Variants in SGTA observed in about 807,000 individuals in gnomAD.
SGTA encodes small glutamine-rich tetratricopeptide repeat-containing protein alpha.
In SGTA, 22 loss-of-function variants were observed where a neutral mutation model predicts 44.3. The ratio of observed to expected loss-of-function variants is 0.50; its 90% CI spans 0.36 to 0.71. The LOEUF is 0.71. Among genes scored for constraint, SGTA ranks in the 30% least tolerant of loss-of-function variants. The pLI is 0.00. For missense variants in SGTA, 341 were observed against 435.9 expected (o/e 0.78, Z 1.94); for synonymous variants, 174 against 177.6 (o/e 0.98, Z 0.16).
chr19:2,771,117 C>A (rs2003567), intron 1 of SGTA, among the ~76,000 whole-genome samples: 7,152 of 152,296 alleles, frequency 0.047, 242 homozygotes, highest in Non-Finnish European at 0.076. Flanking sequence ...TGGCGCCCTG[C>A]GATATCTGTT....
Position 2,758,815 on chromosome 19 carries a change from G to A in SGTA, c.737+442C>T, listed in dbSNP as rs544207378. ...TTACTCAGCCATGAAAAGGAGCGAG[G>A]CCCTGACCCAGGCCCCAGCACACAT... On this transcript the variant is annotated intron_variant, in intron 9 of 11. Transcript: ENST00000221566. 3.9e-5 allele frequency among the ~76,000 whole-genome samples: 6 copies of A among 152,350 alleles called. No individual in the cohort carries two copies. In the South Asian group the frequency reaches 1.0e-3, roughly 26 times the overall value.
Position 2,761,637 on chromosome 19 carries a change from G to T in SGTA, c.637-115C>A. On this transcript the variant is annotated intron_variant, in intron 7 of 11. Transcript: ENST00000221566. This position sits in a 1 kb window ranked among gnomAD's most constrained non-coding sequence, Gnocchi z 5.7. The stretch of plus-strand genomic sequence containing the variant: ...GGGGCTCAGACATTCTATCAACCCT[G>T]CGGCCAGAGGGTGCTTTGAGGCAGG... 1 of 855,216 alleles carries T rather than the reference G, an allele frequency of 1.2e-6. No individual in the cohort carries two copies. Among genetic ancestry groups the T allele is most frequent in the Non-Finnish European group, 1.9e-6 (1 of 532,238 alleles). 53.0% of individuals were successfully genotyped at this position (855,216 alleles called of 1,614,324 possible). A position where few individuals can be genotyped will look rare whatever the true frequency, so the allele number is the denominator to read the frequency against.
intron 1 of SGTA, among the ~76,000 whole-genome samples, chr19:2,769,730 T>G (rs1915246610): frequency 6.6e-6 from 1 of 151,466 alleles, no homozygotes; most frequent in South Asian, 2.1e-4. Flanking sequence ...ACCTACCTCA[T>G]TCCACCTCAG....
In SGTA at chr19:2,761,514, G is replaced by A. The variant is rs117497979; in HGVS notation, c.645C>T (p.Gly215=). The A allele has an allele frequency of 2.3e-3, 3,519 of 1,551,350 alleles. 120 individuals carry two copies. In the East Asian group the frequency reaches 0.072, roughly 32 times the overall value. ...KLREAPSPTG[G]VGSFDIAGLL... ...GGCCGGCGATGTCGAAGCTGCCCACGCCTCCCGTCTGAGGATGAGAACAGC... is the reference window on the plus strand; with the variant it reads ...GGCCGGCGATGTCGAAGCTGCCCACACCTCCCGTCTGAGGATGAGAACAGC... The change falls in exon 8 of 12, where the codon GGC becomes GGT. Residue 215 remains glycine (G), a synonymous_variant. Coordinates refer to ENST00000221566, the MANE Select transcript of SGTA (RefSeq NM_003021.4). This position sits in a 1 kb window ranked among gnomAD's most constrained non-coding sequence, Gnocchi z 5.7.
At chr19:2,758,386 G>C (rs576924330) in intron 9 of SGTA, among the ~76,000 whole-genome samples, 1 of 152,042 alleles carries the variant, frequency 6.6e-6, no homozygotes, top group African/African-American at 2.4e-5. Context: ...AAAATCAGCC[G>C]GGCATGGTGG....
chr19:2,767,701 G>A lies in SGTA; in HGVS notation c.101-15C>T. 6.2e-7 allele frequency: 1 copy of A among 1,603,630 alleles called. No individual in the cohort carries two copies. The highest frequency in any genetic ancestry group is 1.1e-5 in the South Asian group (1 of 90,894). ...CTGGATGGCGACTGAAGCGGGGACAGAGGCGGTCCCATTCATTGCACGCAG... is the reference window on the plus strand; with the variant it reads ...CTGGATGGCGACTGAAGCGGGGACAAAGGCGGTCCCATTCATTGCACGCAG... On this transcript the variant is annotated splice_polypyrimidine_tract_variant and intron_variant, in intron 2 of 11. Coordinates refer to ENST00000221566, the MANE Select transcript of SGTA (RefSeq NM_003021.4). This position sits in a 1 kb window ranked among gnomAD's most constrained non-coding sequence, Gnocchi z 7.3.
chr19:2,772,823 AGGG>A (rs1164769793), intron 1 of SGTA, among the ~76,000 whole-genome samples: 44 of 141,130 alleles, frequency 3.1e-4, no homozygotes, highest in African/African-American at 1.1e-3. Flanking sequence ...ACGCGGCCAC[AGGG>A]CAGGGACACC....
chr19:2,764,962 T>C (rs1037979438), intron 5 of SGTA, among the ~76,000 whole-genome samples: 3 of 152,044 alleles, frequency 2.0e-5, no homozygotes, highest in Non-Finnish European at 4.4e-5. Context: ...CTTTCCCCCA[T>C]GGCCTCCCAG....
chr19:2,762,403 G>A (rs1409971481), intron 7 of SGTA, 103 bp downstream of exon 7: 12 of 1,201,192 alleles, frequency 1.0e-5, no homozygotes, highest in Admixed American at 3.9e-5. Context: ...GGACCCTCAC[G>A]ACACCCAGGT....
rs1914918080 is a variant in SGTA, at chr19:2,759,297, G to GA, written c.700-4dup. 1 of 1,613,724 alleles carries GA rather than the reference G, an allele frequency of 6.2e-7. No individual in the cohort carries two copies. Among genetic ancestry groups the GA allele is most frequent in the Admixed American group, 1.7e-5 (1 of 60,012 alleles). ...GGATTGTTCATTAGGTTCGAAGCCT[G>GA]AAGAACAGAACAAATTTGTCAGGAA... On this transcript the variant is annotated splice_polypyrimidine_tract_variant and splice_region_variant and intron_variant, in intron 8 of 11. Transcript: ENST00000221566.
intron 1 of SGTA, chr19:2,782,668 A>C (rs1915598537): frequency 6.6e-6 from 1 of 152,186 alleles, no homozygotes; most frequent in Non-Finnish European, 1.5e-5. Flanking sequence ...TCTAAACATG[A>C]TATAAGACGA....
At chr19:2,770,722 C>G (rs1056850058) in intron 1 of SGTA, 1 of 152,750 alleles carries the variant, frequency 6.5e-6, no homozygotes, top group Non-Finnish European at 1.5e-5. Context: ...CATGGCCGCA[C>G]GGAGACGGCC....
In SGTA at chr19:2,767,301, A is replaced by G; in HGVS notation, c.208-81T>C. The G allele has an allele frequency of 8.8e-7, 1 of 1,130,926 alleles. No homozygotes were observed. The highest frequency in any genetic ancestry group is 1.3e-6 in the Non-Finnish European group (1 of 781,622). The allele number at this position is 1,130,926 out of a possible 1,614,324, so 70.1% of individuals were successfully genotyped here. A position where few individuals can be genotyped will look rare whatever the true frequency, so the allele number is the denominator to read the frequency against. On this transcript the variant is annotated intron_variant, in intron 3 of 11. Coordinates refer to ENST00000221566, the MANE Select transcript of SGTA (RefSeq NM_003021.4). This position sits in a 1 kb window ranked among gnomAD's most constrained non-coding sequence, Gnocchi z 7.3. Reference sequence around the variant, plus strand: ...CGGCCTTAGCTTCCCTCGGGACGCCAGAGAGGGCCACCAAGTTCCGAAGGA... The same window carrying G: ...CGGCCTTAGCTTCCCTCGGGACGCCGGAGAGGGCCACCAAGTTCCGAAGGA...
At chr19:2,775,028 T>TCCGGCC (rs1915412865) in intron 1 of SGTA, among the ~76,000 whole-genome samples, 2 of 152,272 alleles carry the variant, frequency 1.3e-5, no homozygotes, top group African/African-American at 4.8e-5. Flanking sequence ...CAGAGGATGA[T>TCCGGCC]CCGGCCTCAA....
chr19:2,771,339 A>G (rs1002639464), intron 1 of SGTA, among the ~76,000 whole-genome samples: 2 of 152,086 alleles, frequency 1.3e-5, no homozygotes, highest in Non-Finnish European at 2.9e-5. Context: ...CAGGAGAATC[A>G]CTTGAACCAG....
In SGTA at chr19:2,769,052, C is replaced by T. The variant is rs372280064; in HGVS notation, c.17G>A (p.Arg6His). Reference sequence around the variant, plus strand: ...GAACTGGATGATGGCGTAGGCCAGGCGCTTCTTGTTGTCCATCTTGAGCCC... The same window carrying T: ...GAACTGGATGATGGCGTAGGCCAGGTGCTTCTTGTTGTCCATCTTGAGCCC... MDNKK[R>H]LAYAIIQFLH... Residue 6 changes from arginine to histidine, a missense_variant, in exon 2 of 12, where the codon CGC becomes CAC. Physicochemically the swap from Arg to His is conservative, Grantham distance 29 (BLOSUM62 0). Coordinates refer to ENST00000221566, the MANE Select transcript of SGTA (RefSeq NM_003021.4). The T allele has an allele frequency of 8.4e-5, 136 of 1,613,744 alleles. No individual in the cohort carries two copies. The highest frequency in any genetic ancestry group is 1.1e-4 in the Non-Finnish European group (129 of 1,179,876).
rs1191176179 is a variant in SGTA, at chr19:2,754,799, TGCAGGGCC to T, written c.*1133_*1140del. On this transcript the variant is annotated 3_prime_UTR_variant, in exon 12 of 12. Transcript: ENST00000221566. The surrounding 1 kb of genome is among the most constrained non-coding windows in gnomAD (Gnocchi z 4.4). ...CACACACCTCACCGCCATGAGCGGC[TGCAGGGCC>T]GCGGCGGCCCCCGTTCCTACTGCTA... 1 of 152,290 alleles carries T rather than the reference TGCAGGGCC, an allele frequency of 6.6e-6. No individual in the cohort carries two copies. Among genetic ancestry groups the T allele is most frequent in the Non-Finnish European group, 1.5e-5 (1 of 68,136 alleles). The allele number at this position is 152,290 out of a possible 1,614,324, so 9.4% of individuals were successfully genotyped here.
intron 1 of SGTA, chr19:2,782,496 C>T (rs554906719): frequency 6.6e-6 from 1 of 152,268 alleles, no homozygotes; most frequent in East Asian, 1.9e-4. Flanking sequence ...TCATAATGAC[C>T]CTCCGAGGCA....
chr19:2,778,153 C>G (rs1009173110), intron 1 of SGTA: 1 of 152,180 alleles, frequency 6.6e-6, no homozygotes, highest in African/African-American at 2.4e-5. Flanking sequence ...CCAGTGACAG[C>G]TGGAACTCGG....
Sources: gnomAD v4.1 joint callset for allele counts (sites outside exome capture counted in the v4.1 genomes callset) on GRCh38, gnomAD v4.1.1 for gene constraint, Gnocchi (gnomAD v3.1) non-coding constraint, MANE v1.5 for transcripts, NCBI Gene and HGNC (gene_info 2026-07-23, HGNC 2026-07-21) for gene names.